ATG2A: variants seen among roughly 807,000 people sequenced by gnomAD.
The protein encoded by ATG2A is autophagy-related protein 2 homolog A.
In ATG2A, 103 loss-of-function variants were observed where a neutral mutation model predicts 214.2. The ratio of observed to expected loss-of-function variants is 0.48; its 90% confidence interval spans 0.41 to 0.57. The LOEUF is 0.57. Ranked by LOEUF, ATG2A falls within the 20% of genes least tolerant of loss-of-function variation. The pLI, the probability that ATG2A is intolerant of heterozygous loss-of-function variation, is 0.00. For missense variants in ATG2A, 2,312 were observed against 2,613.2 expected (o/e 0.88, Z 2.51); for synonymous variants, 1,160 against 1,142.1 (o/e 1.02, Z -0.32).
In ATG2A at chr11:64,917,145, C is replaced by T. The variant is rs1182089849; in HGVS notation, c.-10G>A. ...ACAGCCATCGTGACATCTCGGAGAC[C>T]GCCGGGCCTGGGCCGCCTCCGCTTG... On this transcript the variant is annotated 5_prime_UTR_variant, in exon 1 of 41. Transcript: ENST00000377264. 4 of 1,595,590 alleles carry T rather than the reference C, an allele frequency of 2.5e-6. No individual in the cohort carries two copies. The highest frequency in any genetic ancestry group is 2.7e-5 in the African/African-American group (2 of 74,068).
rs140983185 is a variant in ATG2A at position 64,897,919 on chromosome 11, G to A, written c.4914C>T (p.Gly1638=). 2.5e-4 allele frequency: 383 copies of A among 1,553,396 alleles called. 1 individual carries two copies. The South Asian group carries it at 2.6e-3, about 10-fold the overall frequency. ...CCTCCTGCGAACCAGTGGTCTCTAC[G>A]CCTTCGGCCTGCCCTTCCAGGGGGC... ...PSSPLEGQAE[G]VETTGSQEAP... is the part of the protein sequence containing the mutation. The change falls in exon 35 of 41, where the codon GGC becomes GGT. Residue 1638 remains glycine (G), a synonymous_variant. Coordinates refer to ENST00000377264, the MANE Select transcript of ATG2A (RefSeq NM_015104.3).
intron 1 of ATG2A, among the ~76,000 whole-genome samples, chr11:64,916,258 C>T (rs1439627366): frequency 6.6e-6 from 1 of 152,148 alleles, no homozygotes; most frequent in Non-Finnish European, 1.5e-5. Flanking sequence ...ATCTCCCCAC[C>T]TTTCCTCCAG....
intron 16 of ATG2A, among the ~76,000 whole-genome samples, chr11:64,908,551 C>CA (rs139382606): frequency 0.093 from 13,207 of 142,434 alleles, 968 homozygotes; most frequent in African/African-American, 0.21. Flanking sequence ...AACTCTATCT[C>CA]AAAAAAAAAA....
At position 64,903,276 on chromosome 11, in the gene ATG2A, A is replaced by T. The variant is rs747242072; in HGVS notation, c.3612+12T>A. Reference sequence around the variant, plus strand: ...CTGTGGCTCCAGGAGCCAGAGTGACAGCCTCACTCACCAGTTTGCCCTCGG... The same window carrying T: ...CTGTGGCTCCAGGAGCCAGAGTGACTGCCTCACTCACCAGTTTGCCCTCGG... On this transcript the variant is annotated intron_variant, in intron 26 of 40. Coordinates refer to ENST00000377264, the MANE Select transcript of ATG2A (RefSeq NM_015104.3). The surrounding 1 kb of genome is among the most constrained non-coding windows in gnomAD (Gnocchi z 4.2). 2.5e-6 allele frequency: 4 copies of T among 1,612,334 alleles called. No homozygotes were observed. Among genetic ancestry groups the T allele is most frequent in the Non-Finnish European group, 3.4e-6 (4 of 1,178,834 alleles).
Position 64,906,146 on chromosome 11 carries a change from G to A in ATG2A, c.3231C>T (p.Tyr1077=). Residue 1077 remains tyrosine (Y), a synonymous_variant, in exon 22 of 41, where the codon TAC becomes TAT. Transcript: ENST00000377264. ...GCCAGCTCTGCTCGGGCAGGGCCAT[G>A]TAGTGGCGCAAGGTGGCTTTGTGCA... The part of the protein sequence containing the change: ...LRLHKATLRH[Y]MALPEQSWHS... 6.3e-7 allele frequency: 1 copy of A among 1,599,928 alleles called. No individual in the cohort carries two copies. Among genetic ancestry groups the A allele is most frequent in the Non-Finnish European group, 8.5e-7 (1 of 1,173,534 alleles).
Position 64,895,447 on chromosome 11 carries a change from G to A in ATG2A, c.5428-5C>T, listed in dbSNP as rs774210181. 3 of 1,562,872 alleles carry A rather than the reference G, an allele frequency of 1.9e-6. No homozygotes were observed. The East Asian group carries it at 6.9e-5, about 36-fold the overall frequency. ...ATACACGGTCTCAGCTGTGGCCTGGGGGACATGGGAGCACTGGATGAGGAC... is the reference window on the plus strand; with the variant it reads ...ATACACGGTCTCAGCTGTGGCCTGGAGGACATGGGAGCACTGGATGAGGAC... On this transcript the variant is annotated splice_polypyrimidine_tract_variant and splice_region_variant and intron_variant, in intron 39 of 40. Transcript: ENST00000377264. This position sits in a 1 kb window ranked among gnomAD's most constrained non-coding sequence, Gnocchi z 5.0.
Position 64,895,544 on chromosome 11 carries a change from G to A in ATG2A, c.5428-102C>T. On this transcript the variant is annotated intron_variant, in intron 39 of 40. Transcript: ENST00000377264. The surrounding 1 kb of genome is among the most constrained non-coding windows in gnomAD (Gnocchi z 5.0). Reference sequence around the variant, plus strand: ...GACCCCACCAGCCCTCAGCCTCCCTGCCTGTCACTGTGCTGGCCTAGGGGG... The same window carrying A: ...GACCCCACCAGCCCTCAGCCTCCCTACCTGTCACTGTGCTGGCCTAGGGGG... 1 of 1,314,552 alleles carries A rather than the reference G, an allele frequency of 7.6e-7. No homozygotes were observed. The highest frequency in any genetic ancestry group is 1.5e-5 in the African/African-American group (1 of 67,228). The allele number at this position is 1,314,552 out of a possible 1,614,324, so 81.4% of individuals were successfully genotyped here.
In ATG2A at chr11:64,898,217, A is replaced by G; in HGVS notation, c.4773+44T>C. The stretch of plus-strand genomic sequence containing the variant: ...GTGGATCAGACTCAGAGGCCTGGAG[A>G]CAGTGGGGTCACCCTAGGCTCTGCC... On this transcript the variant is annotated intron_variant, in intron 33 of 40. Transcript: ENST00000377264. This position sits in a 1 kb window ranked among gnomAD's most constrained non-coding sequence, Gnocchi z 4.5. 1.9e-6 allele frequency: 3 copies of G among 1,613,606 alleles called. No homozygotes were observed. The highest frequency in any genetic ancestry group is 2.5e-6 in the Non-Finnish European group (3 of 1,179,680).
chr11:64,902,429 G>A, intron 27 of ATG2A, 43 bp from the exon 28 acceptor site: 1 of 1,531,528 alleles, frequency 6.5e-7, no homozygotes, highest in Non-Finnish European at 8.8e-7. Flanking sequence ...ACAGGACAGA[G>A]CTCCCCCAAC....
chr11:64,911,870 G>A lies in ATG2A; in HGVS notation c.1200C>T (p.Arg400=), dbSNP rs202085661. 2 of 1,613,324 alleles carry A rather than the reference G, an allele frequency of 1.2e-6. No homozygotes were observed. The highest frequency in any genetic ancestry group is 1.7e-6 in the Non-Finnish European group (2 of 1,179,930). ...ASSVRSDMAS[R]RLSAQAHPAG... is the part of the protein sequence containing the mutation. ...CTGGGTGGGCCTGGGCAGAGAGCCG[G>A]CGGGAGGCCATGTCGCTGCGCACAG... The change falls in exon 9 of 41, where the codon CGC becomes CGT. Residue 400 remains arginine, a synonymous_variant. Transcript: ENST00000377264.
chr11:64,894,945 C>T lies in ATG2A; in HGVS notation c.*28G>A, dbSNP rs1341735399. 1 of 1,609,868 alleles carries T rather than the reference C, an allele frequency of 6.2e-7. No homozygotes were observed. The highest frequency in any genetic ancestry group is 1.3e-5 in the African/African-American group (1 of 74,894). ...GGAGGCTCAGGAGCATGGTGGGCAG[C>T]ACCCTCTGGGTGCCGGGCACCCCAG... is the stretch of plus-strand genomic sequence containing the variant. On this transcript the variant is annotated 3_prime_UTR_variant, in exon 41 of 41. Coordinates refer to ENST00000377264, the MANE Select transcript of ATG2A (RefSeq NM_015104.3).
Position 64,906,415 on chromosome 11 carries a change from C to T in ATG2A, c.3102G>A (p.Ser1034=), listed in dbSNP as rs765928567. 15 of 1,613,076 alleles carry T rather than the reference C, an allele frequency of 9.3e-6. No individual in the cohort carries two copies. The highest frequency in any genetic ancestry group is 7.7e-5 in the South Asian group (7 of 91,084). Residue 1034 remains serine, a synonymous_variant, in exon 21 of 41, where the codon TCG becomes TCA. Coordinates refer to ENST00000377264, the MANE Select transcript of ATG2A (RefSeq NM_015104.3). ...GTCCCCGGCCCTGGCCCTTGCGGCC[C>T]GAGGCTCCCCGCTCGGTCACCCCTT... The part of the protein sequence containing the change: ...SEEGVTERGA[S]GRKGQGRGPH...
intron 14 of ATG2A, 83 bp from the exon 15 acceptor site, chr11:64,909,450 G>T (rs1416670527): frequency 6.8e-7 from 1 of 1,468,154 alleles, no homozygotes; most frequent in Non-Finnish European, 9.4e-7. Flanking sequence ...GCTCAGAGCT[G>T]TGCCCCCGAC....
rs374553002 is a variant in ATG2A, at chr11:64,912,107, G to A, written c.1065C>T (p.Pro355=). The A allele has an allele frequency of 4.3e-6, 7 of 1,613,660 alleles. No homozygotes were observed. The highest frequency in any genetic ancestry group is 2.2e-5 in the East Asian group (1 of 44,874). ...CACCAGTGTTATCCAGGTTGAGAAG[G>A]GGGTTGGTAAGGGGGTCTGGGCTGA... is the stretch of plus-strand genomic sequence containing the variant. The part of the protein sequence containing the change: ...EPLSPDPLTN[P]LLNLDNTDLF... The change falls in exon 8 of 41, where the codon CCC becomes CCT. Residue 355 remains proline (P), a synonymous_variant. Coordinates refer to ENST00000377264, the MANE Select transcript of ATG2A (RefSeq NM_015104.3).
intron 6 of ATG2A, 60 bp from the exon 7 acceptor site, chr11:64,912,483 A>G (rs944590183): frequency 7.2e-7 from 1 of 1,389,296 alleles, no homozygotes; most frequent in African/African-American, 1.5e-5. Flanking sequence ...TCTAAGAGCT[A>G]CCACCCGCCT....
In ATG2A at chr11:64,912,265, C is replaced by A; in HGVS notation, c.923-16G>T. The A allele has an allele frequency of 6.2e-7, 1 of 1,610,606 alleles. No individual in the cohort carries two copies. The highest frequency in any genetic ancestry group is 8.5e-7 in the Non-Finnish European group (1 of 1,177,712). On this transcript the variant is annotated splice_polypyrimidine_tract_variant and intron_variant, in intron 7 of 40. Transcript: ENST00000377264. The stretch of plus-strand genomic sequence containing the variant: ...CCCTCGTGGTCTGCAGGGGAGGAGA[C>A]TTCAGTCTGGGCTGGCTGGCCCTCC...
intron 31 of ATG2A, among the ~76,000 whole-genome samples, chr11:64,899,394 C>T (rs57365630): frequency 0.09 from 13,623 of 152,146 alleles, 1,017 homozygotes; most frequent in African/African-American, 0.21. Flanking sequence ...CCTGCACACC[C>T]GCTGGCTGGC....
Position 64,895,382 on chromosome 11 carries a change from G to A in ATG2A, c.5488C>T (p.Gln1830Ter). Residue 1830 changes from glutamine to a stop codon, truncating the protein, a stop_gained, in exon 40 of 41, where the codon CAG becomes TAG. Coordinates refer to ENST00000377264, the MANE Select transcript of ATG2A (RefSeq NM_015104.3). LOFTEE classifies it high-confidence loss of function. This position sits in a 1 kb window ranked among gnomAD's most constrained non-coding sequence, Gnocchi z 5.0. ...AGCCTCCGCGCAGAGCGCTTATCCTGCAGGGAGCGGGAGACGGGGGCTGCC... is the reference window on the plus strand; with the variant it reads ...AGCCTCCGCGCAGAGCGCTTATCCTACAGGGAGCGGGAGACGGGGGCTGCC... ...SPAAPVSRSL[Q>*]DKRSARRLRR... 1 of 1,611,836 alleles carries A rather than the reference G, an allele frequency of 6.2e-7. No homozygotes were observed. The highest frequency in any genetic ancestry group is 8.5e-7 in the Non-Finnish European group (1 of 1,178,996).
At position 64,913,742 on chromosome 11, in the gene ATG2A, T is replaced by G; in HGVS notation, c.590+79A>C. 7.1e-7 allele frequency: 1 copy of G among 1,416,544 alleles called. No individual in the cohort carries two copies. The highest frequency in any genetic ancestry group is 9.8e-7 in the Non-Finnish European group (1 of 1,017,774). 87.7% of individuals were successfully genotyped at this position (1,416,544 alleles called of 1,614,324 possible). A position where few individuals can be genotyped will look rare whatever the true frequency, so the allele number is the denominator to read the frequency against. ...TCCACCCTGCCTCTTCCCAGGAACCTAGGCTGCGGGTGGGGACCATCCAGC... is the reference window on the plus strand; with the variant it reads ...TCCACCCTGCCTCTTCCCAGGAACCGAGGCTGCGGGTGGGGACCATCCAGC... On this transcript the variant is annotated intron_variant, in intron 4 of 40. Coordinates refer to ENST00000377264, the MANE Select transcript of ATG2A (RefSeq NM_015104.3). The surrounding 1 kb of genome is among the most constrained non-coding windows in gnomAD (Gnocchi z 4.3).
Sources: allele counts gnomAD v4.1 joint callset (sites outside exome capture counted in the v4.1 genomes callset), GRCh38; gene constraint gnomAD v4.1.1; non-coding constraint Gnocchi (gnomAD v3.1); transcripts MANE v1.5; gene names NCBI Gene and HGNC (gene_info 2026-07-23, HGNC 2026-07-21).